The following ATOX1 variants were observed in gnomAD, a reference collection of about 807,000 sequenced individuals.
ATOX1 encodes copper transport protein ATOX1.
ATOX1 carries 4 observed loss-of-function variants against 7.3 expected under a neutral mutation model. The observed-to-expected ratio is 0.55, with a 90% CI of 0.27 to 1.25. The LOEUF (loss-of-function observed/expected upper bound fraction) is 1.25. Ranked by LOEUF, ATOX1 falls within the 50% of genes most tolerant of loss-of-function variation. ATOX1 has a pLI of 0.12. For synonymous variants in ATOX1, 25 were observed against 28.7 expected (o/e 0.87, Z 0.41); for missense variants, 68 against 81.6 (o/e 0.83, Z 0.64).
At chr5:151,751,310 T>C (rs1013482123) in intron 2 of ATOX1, among the ~76,000 whole-genome samples, 2 of 150,244 alleles carry the variant, frequency 1.3e-5, no homozygotes, top group African/African-American at 4.9e-5. Flanking sequence ...AGATGTGTCA[T>C]GCAGTACACA....
intron 2 of ATOX1, among the ~76,000 whole-genome samples, chr5:151,748,753 C>T (rs1006802791): frequency 2.0e-5 from 3 of 151,942 alleles, no homozygotes; most frequent in Non-Finnish European, 2.9e-5. Context: ...CCCAGCTTCT[C>T]GGGAGGCTGG....
chr5:151,750,888 G>A (rs1472614294), intron 2 of ATOX1, among the ~76,000 whole-genome samples: 1 of 151,722 alleles, frequency 6.6e-6, no homozygotes, highest in Non-Finnish European at 1.5e-5. Context: ...CCTGAGCTCA[G>A]GCAATCTGCC....
intron 1 of ATOX1, among the ~76,000 whole-genome samples, chr5:151,754,829 C>A (rs1761992913): frequency 6.6e-6 from 1 of 151,364 alleles, no homozygotes; most frequent in Non-Finnish European, 1.5e-5. Context: ...ACTAAAAATA[C>A]AAAAATTAGC....
rs779556694 is a variant in ATOX1 at position 151,758,558 on chromosome 5, G to A, written c.-7C>T. 1.9e-5 allele frequency: 27 copies of A among 1,428,668 alleles called. No homozygotes were observed. Among genetic ancestry groups the A allele is most frequent in the Non-Finnish European group, 2.3e-5 (25 of 1,086,450 alleles). 88.5% of individuals were successfully genotyped at this position (1,428,668 alleles called of 1,614,324 possible). A position where few individuals can be genotyped will look rare whatever the true frequency, so the allele number is the denominator to read the frequency against. On this transcript the variant is annotated 5_prime_UTR_variant, in exon 1 of 4. Coordinates refer to ENST00000313115, the MANE Select transcript of ATOX1 (RefSeq NM_004045.4). ...CGCAACCACTCACCGGCATGACTGAGGCAGCGGCGGTGTGGCGGCGGTGTG... is the reference window on the plus strand; with the variant it reads ...CGCAACCACTCACCGGCATGACTGAAGCAGCGGCGGTGTGGCGGCGGTGTG...
chr5:151,757,911 C>T (rs1383124212), intron 1 of ATOX1, among the ~76,000 whole-genome samples: 2 of 152,228 alleles, frequency 1.3e-5, no homozygotes, highest in African/African-American at 4.8e-5. Context: ...TCTGCAAAGG[C>T]AGGCTAAGAC....
Position 151,758,582 on chromosome 5 carries a change from T to C in ATOX1, c.-31A>G. 2 of 1,416,270 alleles carry C rather than the reference T, an allele frequency of 1.4e-6. No homozygotes were observed. Among genetic ancestry groups the C allele is most frequent in the African/African-American group, 1.5e-5 (1 of 66,956 alleles). The allele number at this position is 1,416,270 out of a possible 1,614,324, so 87.7% of individuals were successfully genotyped here. On this transcript the variant is annotated 5_prime_UTR_variant, in exon 1 of 4. Transcript: ENST00000313115. ...AGGCAGCGGCGGTGTGGCGGCGGTGTGGCGGCGGTGTCAGCAGCGCCTCTC... is the reference window on the plus strand; with the variant it reads ...AGGCAGCGGCGGTGTGGCGGCGGTGCGGCGGCGGTGTCAGCAGCGCCTCTC...
chr5:151,756,676 G>T (rs147366918), intron 1 of ATOX1, among the ~76,000 whole-genome samples: 1 of 152,058 alleles, frequency 6.6e-6, no homozygotes, highest in East Asian at 1.9e-4. Context: ...GTTTCATCAT[G>T]TTGCCAAAGT....
chr5:151,749,258 G>T (rs1214354411), intron 2 of ATOX1, among the ~76,000 whole-genome samples: 2 of 152,106 alleles, frequency 1.3e-5, no homozygotes, highest in African/African-American at 4.8e-5. Context: ...GACCAAGGTG[G>T]GCAGGTCACC....
At chr5:151,753,021 C>T (rs1761970569) in intron 1 of ATOX1, among the ~76,000 whole-genome samples, 1 of 152,198 alleles carries the variant, frequency 6.6e-6, no homozygotes, top group Admixed American at 6.5e-5. Flanking sequence ...ATAAAGGACA[C>T]TGTGACTTCT....
chr5:151,748,886 C>T (rs1761909877), intron 2 of ATOX1, among the ~76,000 whole-genome samples: 1 of 150,992 alleles, frequency 6.6e-6, no homozygotes, highest in African/African-American at 2.4e-5. Context: ...ACAAACAAAA[C>T]ATATGGTTTC....
intron 2 of ATOX1, among the ~76,000 whole-genome samples, chr5:151,747,086 A>G (rs1226014738): frequency 4.8e-5 from 7 of 146,138 alleles, no homozygotes; most frequent in Non-Finnish European, 9.0e-5. Context: ...TTTTTTTTTC[A>G]AAAAAGCAAA....
chr5:151,750,297 C>G (rs1214485354), intron 2 of ATOX1, among the ~76,000 whole-genome samples: 2 of 152,096 alleles, frequency 1.3e-5, no homozygotes, highest in African/African-American at 4.8e-5. Context: ...GTGGCTCATG[C>G]CTGTAACCCT....
intron 1 of ATOX1, among the ~76,000 whole-genome samples, chr5:151,753,040 C>T (rs1325158838): frequency 2.6e-5 from 4 of 152,178 alleles, no homozygotes; most frequent in Non-Finnish European, 5.9e-5. Context: ...CTGTCTTGCT[C>T]CATTTCTGGG....
chr5:151,757,811 G>A (rs1762035835), intron 1 of ATOX1, among the ~76,000 whole-genome samples: 1 of 152,144 alleles, frequency 6.6e-6, no homozygotes, highest in South Asian at 2.1e-4. Flanking sequence ...TAAGTTACTG[G>A]GCTTTTTATA....
chr5:151,755,680 A>G (rs1004620561), intron 1 of ATOX1, among the ~76,000 whole-genome samples: 5 of 152,186 alleles, frequency 3.3e-5, no homozygotes, highest in African/African-American at 1.2e-4. Context: ...CTGGGTATAA[A>G]CATTACAGTT....
chr5:151,753,975 C>A (rs1228572773), intron 1 of ATOX1: 1 of 152,232 alleles, frequency 6.6e-6, no homozygotes. Flanking sequence ...TAGTAAACCA[C>A]TCCTTTTATT....
chr5:151,757,745 G>A (rs991642649), intron 1 of ATOX1, among the ~76,000 whole-genome samples: 1 of 152,230 alleles, frequency 6.6e-6, no homozygotes, highest in Non-Finnish European at 1.5e-5. Context: ...GAGAGATGGG[G>A]AGCCTAAGGA....
Position 151,746,456 on chromosome 5 carries a change from G to A in ATOX1, c.83-7C>T. On this transcript the variant is annotated splice_region_variant and splice_polypyrimidine_tract_variant and intron_variant, in intron 2 of 3. Transcript: ENST00000313115. ...TCAATGTCATACTTAACTCCTGCAGGAAGAGGAAATGGGGTATGGGGAGAG... is the reference window on the plus strand; with the variant it reads ...TCAATGTCATACTTAACTCCTGCAGAAAGAGGAAATGGGGTATGGGGAGAG... 1.9e-6 allele frequency: 3 copies of A among 1,613,638 alleles called. No homozygotes were observed. The highest frequency in any genetic ancestry group is 2.5e-6 in the Non-Finnish European group (3 of 1,179,620).
At chr5:151,755,815 C>CA (rs1382445914) in intron 1 of ATOX1, among the ~76,000 whole-genome samples, 2 of 152,094 alleles carry the variant, frequency 1.3e-5, no homozygotes, top group Non-Finnish European at 2.9e-5. Flanking sequence ...CCACCAGATG[C>CA]ATAACTGGGT....
Sources: gnomAD v4.1 joint callset for allele counts (sites outside exome capture counted in the v4.1 genomes callset) on GRCh38, gnomAD v4.1.1 for gene constraint, MANE v1.5 for transcripts, NCBI Gene and HGNC (gene_info 2026-07-23, HGNC 2026-07-21) for gene names.